The following ARFGEF3 variants were observed in gnomAD, a reference collection of about 807,000 sequenced individuals.
The protein encoded by ARFGEF3 is brefeldin A-inhibited guanine nucleotide-exchange protein 3.
ARFGEF3 carries 96 observed loss-of-function variants against 221.7 expected under a neutral mutation model. The ratio of observed to expected loss-of-function variants is 0.43; its 90% CI spans 0.37 to 0.51. ARFGEF3 has a LOEUF of 0.51. Ranked by LOEUF, ARFGEF3 falls within the 20% of genes least tolerant of loss-of-function variation. The pLI is 0.00. For synonymous variants in ARFGEF3, 1,145 were observed against 1,126.8 expected (o/e 1.02, Z -0.32); for missense variants, 2,410 against 2,789.9 (o/e 0.86, Z 3.07).
At chr6:138,282,118 C>G (rs1779206252) in intron 14 of ARFGEF3, among the ~76,000 whole-genome samples, 1 of 152,192 alleles carries the variant, frequency 6.6e-6, no homozygotes, top group South Asian at 2.1e-4. Flanking sequence ...CCATGCCCGG[C>G]TAATTTTTGT....
chr6:138,189,938 G>A (rs1303444515), intron 2 of ARFGEF3, among the ~76,000 whole-genome samples: 2 of 151,832 alleles, frequency 1.3e-5, no homozygotes, highest in Admixed American at 6.6e-5. Context: ...TAAAAAATTA[G>A]CCAGCCATGG....
intron 22 of ARFGEF3, among the ~76,000 whole-genome samples, chr6:138,305,534 C>G (rs577066134): frequency 6.6e-6 from 1 of 151,122 alleles, no homozygotes; most frequent in Admixed American, 6.6e-5. Context: ...TTCCTTGAAC[C>G]CAGTAAGTTG....
In ARFGEF3 at chr6:138,336,435, T is replaced by A. The variant is rs772800181; in HGVS notation, c.6483T>A (p.Ala2161=). ...TGACCGACATCAGAGTTCGCCAGGC[T>A]GTGAGGGAGTGGCTGGGCAGGGTGG... ...CHVTDIRVRQ[A]VREWLGRVGR... The change falls in exon 34 of 34, where the codon GCT becomes GCA. Residue 2161 remains alanine (A), a synonymous_variant. Transcript: ENST00000251691. 1.6e-5 allele frequency: 26 copies of A among 1,613,102 alleles called. No individual in the cohort carries two copies. Among genetic ancestry groups the A allele is most frequent in the Non-Finnish European group, 1.5e-5 (18 of 1,179,600 alleles).
Position 138,207,116 on chromosome 6 carries a change from G to T in ARFGEF3, c.212G>T (p.Gly71Val). Residue 71 changes from glycine (G) to valine (V), a missense_variant, in exon 3 of 34, where the codon GGG becomes GTG. Physicochemically the swap from Gly to Val is moderately radical, Grantham distance 109. Around this residue, in one of 5 missense-constraint regions of ARFGEF3, gnomAD observed 570 missense variants for 586.9 expected, o/e 0.97. Transcript: ENST00000251691. ...AAGCTGGCCCAACATGCTTTGGCAG[G>T]GATGCAGGTATGGCTTTGACTGAAT... ...NVKLAQHALA[G>V]MQKLLSEERF... The T allele has an allele frequency of 6.2e-7, 1 of 1,610,200 alleles. No homozygotes were observed. The highest frequency in any genetic ancestry group is 8.5e-7 in the Non-Finnish European group (1 of 1,178,318).
chr6:138,172,400 C>T (rs1386391516), intron 2 of ARFGEF3, among the ~76,000 whole-genome samples: 1 of 152,214 alleles, frequency 6.6e-6, no homozygotes, highest in East Asian at 1.9e-4. Context: ...TCCTACTTGT[C>T]AGAGAAAACC....
chr6:138,280,292 C>A (rs1779175713), intron 14 of ARFGEF3, 128 bp downstream of exon 14: 2 of 839,022 alleles, frequency 2.4e-6, no homozygotes, highest in Non-Finnish European at 1.9e-6. Context: ...GCTTCCCTGG[C>A]AATGGTGACA....
At chr6:138,282,360 C>T (rs1012505960) in intron 14 of ARFGEF3, among the ~76,000 whole-genome samples, 23 of 152,178 alleles carry the variant, frequency 1.5e-4, no homozygotes, top group South Asian at 4.1e-4. Context: ...TCACACAGCT[C>T]GGCATTGCTC....
intron 14 of ARFGEF3, among the ~76,000 whole-genome samples, 181 bp downstream of exon 14, chr6:138,280,345 G>A (rs770288806): frequency 2.6e-5 from 4 of 152,154 alleles, no homozygotes; most frequent in East Asian, 1.9e-4. Context: ...GGAGTTTTCT[G>A]TCCCTTTTCC....
rs150716081 is a variant in ARFGEF3, at chr6:138,311,458, C to T, written c.4148C>T (p.Pro1383Leu). Residue 1383 changes from proline (P) to leucine (L), a missense_variant, in exon 25 of 34, where the codon CCG becomes CTG. Physicochemically the swap from Pro to Leu is moderately conservative, Grantham distance 98 (BLOSUM62 -3). This residue lies in a region of ARFGEF3 where 723 missense variants were observed against 991.9 expected (regional missense o/e 0.73). Coordinates refer to ENST00000251691, the MANE Select transcript of ARFGEF3 (RefSeq NM_020340.5). ...GACTGTGCCCCAGCACCCGGAGCCCCGTCCACAGACCTGTGCCTCCCGGCC... is the reference window on the plus strand; with the variant it reads ...GACTGTGCCCCAGCACCCGGAGCCCTGTCCACAGACCTGTGCCTCCCGGCC... ...IGDCAPAPGA[P>L]STDLCLPALD... The T allele has an allele frequency of 3.8e-5, 61 of 1,608,696 alleles. No homozygotes were observed. In the African/African-American group the frequency reaches 5.7e-4, roughly 15 times the overall value.
rs774912611 is a variant in ARFGEF3 at position 138,291,799 on chromosome 6, G to A, written c.3114G>A (p.Leu1038=). ...HFSDGASQPP[L]TISQPQKATG... ...GCGATGGTGCCTCGCAGCCCCCTCT[G>A]ACCATCAGCCAGCCCCAGAAGGCCA... The change falls in exon 19 of 34, where the codon CTG becomes CTA. Residue 1038 remains leucine, a synonymous_variant. Transcript: ENST00000251691. The surrounding 1 kb of genome is among the most constrained non-coding windows in gnomAD (Gnocchi z 4.5). 6.8e-7 allele frequency: 1 copy of A among 1,480,790 alleles called. No individual in the cohort carries two copies. Among genetic ancestry groups the A allele is most frequent in the East Asian group, 2.5e-5 (1 of 39,240 alleles). The allele number at this position is 1,480,790 out of a possible 1,614,324, so 91.7% of individuals were successfully genotyped here.
chr6:138,249,950 C>G (rs970092911), intron 8 of ARFGEF3, among the ~76,000 whole-genome samples: 7 of 152,106 alleles, frequency 4.6e-5, no homozygotes, highest in African/African-American at 1.7e-4. Context: ...TAGTCCCGTG[C>G]ACCAGCTGCT....
intron 4 of ARFGEF3, among the ~76,000 whole-genome samples, chr6:138,211,314 T>A (rs1314729111): frequency 6.6e-6 from 1 of 152,218 alleles, no homozygotes; most frequent in African/African-American, 2.4e-5. Context: ...AACTGATTCT[T>A]AAACACAATG....
intron 2 of ARFGEF3, among the ~76,000 whole-genome samples, chr6:138,196,699 T>C (rs1777430258): frequency 1.3e-5 from 2 of 152,250 alleles, no homozygotes; most frequent in African/African-American, 2.4e-5. Context: ...ACTGTGACTT[T>C]TTTGATCCTT....
intron 14 of ARFGEF3, among the ~76,000 whole-genome samples, chr6:138,282,146 G>A (rs926121788): frequency 2.0e-5 from 3 of 152,094 alleles, no homozygotes; most frequent in African/African-American, 4.8e-5. Context: ...GTATAGATGG[G>A]GTTTCACCAT....
At chr6:138,196,080 T>C (rs767723427) in intron 2 of ARFGEF3, among the ~76,000 whole-genome samples, 2 of 152,198 alleles carry the variant, frequency 1.3e-5, no homozygotes, top group Admixed American at 1.3e-4. Flanking sequence ...GGAATGTAGT[T>C]TGAGATTGAC....
chr6:138,171,278 G>A (rs2114430233), intron 2 of ARFGEF3, among the ~76,000 whole-genome samples: 1 of 151,822 alleles, frequency 6.6e-6, no homozygotes, highest in South Asian at 2.1e-4. Context: ...TCTGTAGAGG[G>A]AATGAAATCA....
intron 4 of ARFGEF3, chr6:138,218,247 T>A (rs1455493621): frequency 6.2e-7 from 1 of 1,612,704 alleles, no homozygotes; most frequent in Non-Finnish European, 8.5e-7. Context: ...AAATACCTTG[T>A]AGCAGAATGG....
At position 138,280,015 on chromosome 6, in the gene ARFGEF3, A is replaced by G. The variant is rs376150531; in HGVS notation, c.2312A>G (p.Gln771Arg). Residue 771 changes from glutamine (Q) to arginine (R), a missense_variant, in exon 14 of 34, where the codon CAG (glutamine) becomes CGG (arginine). Around this residue, in one of 5 missense-constraint regions of ARFGEF3, gnomAD observed 594 missense variants for 734.3 expected, o/e 0.81. Transcript: ENST00000251691. ...TCTCTGTAGAAGGACTTCATGAAGC[A>G]GGTGCAGACCAGCGGCGTGCTGATG... ...APGVMKDFMK[Q>R]VQTSGVLMVF... 1.1e-5 allele frequency: 18 copies of G among 1,613,822 alleles called. No homozygotes were observed. In the African/African-American group the frequency reaches 1.7e-4, roughly 16 times the overall value.
intron 19 of ARFGEF3, among the ~76,000 whole-genome samples, chr6:138,292,562 G>T: frequency 6.6e-6 from 1 of 152,208 alleles, no homozygotes; most frequent in East Asian, 1.9e-4. Context: ...CAACTGTTTG[G>T]TGGTACTTCC....
Sources: allele counts gnomAD v4.1 joint callset (sites outside exome capture counted in the v4.1 genomes callset), GRCh38; gene constraint gnomAD v4.1.1; regional missense constraint gnomAD v4.1.1; non-coding constraint Gnocchi (gnomAD v3.1); transcripts MANE v1.5; gene names NCBI Gene and HGNC (gene_info 2026-07-23, HGNC 2026-07-21).